Variants in ADAMTSL1 observed in about 807,000 individuals in gnomAD.
ADAMTSL1 encodes the protein ADAMTS like 1.
A neutral mutation model predicts 201.8 loss-of-function variants in ADAMTSL1; 126 were observed. The ratio of observed to expected loss-of-function variants is 0.62; its 90% CI spans 0.54 to 0.72. ADAMTSL1 has a LOEUF of 0.72. Among genes scored for constraint, ADAMTSL1 ranks in the 30% least tolerant of loss-of-function variants. The probability of loss-of-function intolerance (pLI) is 0.00; values close to 1 mark genes in which losing one functional copy is unlikely to be tolerated. For missense variants in ADAMTSL1, 2,679 were observed against 2,277.8 expected (o/e 1.18, Z -3.59); for synonymous variants, 1,121 against 903.4 (o/e 1.24, Z -4.32).
At chr9:18,769,543 G>C (rs1436957698) in intron 16 of ADAMTSL1, among the ~76,000 whole-genome samples, 1 of 152,168 alleles carries the variant, frequency 6.6e-6, no homozygotes, top group Non-Finnish European at 1.5e-5. Context: ...AACACAGACA[G>C]TCCAGAGCAG....
intron 2 of ADAMTSL1, among the ~76,000 whole-genome samples, chr9:18,296,538 ACAT>A (rs1485550053): frequency 6.6e-6 from 1 of 152,202 alleles, no homozygotes; most frequent in Non-Finnish European, 1.5e-5. Flanking sequence ...GGATGCATAT[ACAT>A]ATAAATAAAT....
chr9:18,875,826 T>C (rs1471406044), intron 23 of ADAMTSL1, among the ~76,000 whole-genome samples: 1 of 152,204 alleles, frequency 6.6e-6, no homozygotes, highest in Non-Finnish European at 1.5e-5. Flanking sequence ...ATGACCTGTC[T>C]AGTGCTTTCA....
chr9:18,026,824 C>T (rs1001892686), intron 1 of ADAMTSL1, among the ~76,000 whole-genome samples: 11 of 152,000 alleles, frequency 7.2e-5, no homozygotes, highest in African/African-American at 2.4e-4. Flanking sequence ...GGCTGTGAAT[C>T]CATCTTGTCC....
intron 3 of ADAMTSL1, among the ~76,000 whole-genome samples, chr9:18,551,576 A>C (rs1481750764): frequency 2.0e-5 from 3 of 148,880 alleles, no homozygotes; most frequent in Non-Finnish European, 4.4e-5. Flanking sequence ...GTCTACATGC[A>C]GTATAGCCTA....
At chr9:18,835,653 G>T (rs755130742) in intron 23 of ADAMTSL1, among the ~76,000 whole-genome samples, 17 of 152,046 alleles carry the variant, frequency 1.1e-4, no homozygotes, top group Non-Finnish European at 2.4e-4. Context: ...CTCTTGCCCT[G>T]TTCCTTTCCT....
intron 22 of ADAMTSL1, among the ~76,000 whole-genome samples, chr9:18,828,780 C>A (rs1454198646): frequency 6.7e-6 from 1 of 148,256 alleles, no homozygotes. Flanking sequence ...ATACAATGGT[C>A]TTTGTCAGTC....
intron 5 of ADAMTSL1, among the ~76,000 whole-genome samples, chr9:18,627,162 A>G (rs1353377481): frequency 6.6e-6 from 1 of 151,850 alleles, no homozygotes; most frequent in East Asian, 1.9e-4. Flanking sequence ...TTGTATTTTT[A>G]GTAGAGATGG....
intron 2 of ADAMTSL1, among the ~76,000 whole-genome samples, chr9:18,238,671 C>A (rs1298886363): frequency 6.6e-6 from 1 of 152,036 alleles, no homozygotes; most frequent in Non-Finnish European, 1.5e-5. Flanking sequence ...TGAAAGGAAC[C>A]AAATGACATA....
chr9:18,235,480 A>G (rs1406950533), intron 2 of ADAMTSL1, among the ~76,000 whole-genome samples: 1 of 152,068 alleles, frequency 6.6e-6, no homozygotes, highest in African/African-American at 2.4e-5. Flanking sequence ...ACATATTTCC[A>G]TTGTCTTTGA....
intron 3 of ADAMTSL1, among the ~76,000 whole-genome samples, chr9:18,539,959 C>T (rs538881772): frequency 6.6e-6 from 1 of 152,062 alleles, no homozygotes; most frequent in African/African-American, 2.4e-5. Context: ...GTGCTGTAAA[C>T]AGAAATTAAG....
At chr9:18,309,943 C>G (rs1324595067) in intron 2 of ADAMTSL1, among the ~76,000 whole-genome samples, 1 of 152,042 alleles carries the variant, frequency 6.6e-6, no homozygotes, top group Admixed American at 6.6e-5. Context: ...AACTATACTA[C>G]AAGGCTACAG....
At chr9:18,606,553 G>C (rs1825023138) in intron 4 of ADAMTSL1, among the ~76,000 whole-genome samples, 1 of 152,050 alleles carries the variant, frequency 6.6e-6, no homozygotes, top group Non-Finnish European at 1.5e-5. Flanking sequence ...AAAGTCCCCT[G>C]GTATATTAGG....
chr9:18,166,481 T>C (rs912191306), intron 2 of ADAMTSL1, among the ~76,000 whole-genome samples: 10 of 151,944 alleles, frequency 6.6e-5, no homozygotes, highest in Non-Finnish European at 1.5e-4. Flanking sequence ...CTTCAGTTTT[T>C]AATGAGGTGA....
At chr9:18,212,217 G>A (rs1042310940) in intron 2 of ADAMTSL1, among the ~76,000 whole-genome samples, 3 of 152,128 alleles carry the variant, frequency 2.0e-5, no homozygotes, top group African/African-American at 7.2e-5. Context: ...TCCCCTTGAA[G>A]AAGACTGATT....
chr9:18,123,610 T>C (rs1172081989), intron 1 of ADAMTSL1, among the ~76,000 whole-genome samples: 1 of 152,216 alleles, frequency 6.6e-6, no homozygotes, highest in Non-Finnish European at 1.5e-5. Context: ...GCTTTACTGA[T>C]GTATAATTTA....
intron 23 of ADAMTSL1, among the ~76,000 whole-genome samples, chr9:18,851,626 G>T (rs1040731657): frequency 1.2e-4 from 19 of 152,146 alleles, no homozygotes; most frequent in Admixed American, 4.6e-4. Flanking sequence ...GGGTTGGCGT[G>T]GGGTTTTATA....
chr9:18,077,752 A>G (rs1225586835), intron 1 of ADAMTSL1, among the ~76,000 whole-genome samples: 2 of 152,206 alleles, frequency 1.3e-5, no homozygotes, highest in Non-Finnish European at 2.9e-5. Context: ...ACTTTAAAAA[A>G]AATGCATATT....
intron 2 of ADAMTSL1, among the ~76,000 whole-genome samples, chr9:18,361,648 G>A (rs1042004335): frequency 6.6e-6 from 1 of 152,156 alleles, no homozygotes; most frequent in Non-Finnish European, 1.5e-5. Context: ...TAGAGTACTT[G>A]AAGGAGCAGA....
chr9:18,131,988 A>G (rs561992117), intron 1 of ADAMTSL1, among the ~76,000 whole-genome samples: 2 of 152,276 alleles, frequency 1.3e-5, no homozygotes, highest in African/African-American at 4.8e-5. Context: ...ATCTTGTAAC[A>G]TCAGTGTTAA....
Sources: gnomAD v4.1 joint callset for allele counts (sites outside exome capture counted in the v4.1 genomes callset) on GRCh38, gnomAD v4.1.1 for gene constraint, MANE v1.5 for transcripts, NCBI Gene and HGNC (gene_info 2026-07-23, HGNC 2026-07-21) for gene names.